The following PAN3 variants were observed in gnomAD, a reference collection of about 807,000 sequenced individuals.
PAN3 encodes the protein PAN2-PAN3 deadenylation complex subunit PAN3.
PAN3 carries 19 observed loss-of-function variants against 96.2 expected under a neutral mutation model. The ratio of observed to expected loss-of-function variants is 0.20; its 90% CI spans 0.14 to 0.29. The LOEUF is 0.29. PAN3 is among the 10% of genes least tolerant of loss of function. The pLI is 1.00. For missense variants in PAN3, 882 were observed against 1,108.1 expected (o/e 0.80, Z 2.90); for synonymous variants, 433 against 406.6 (o/e 1.06, Z -0.78).
chr13:28,187,200 G>T (rs1047029429), intron 4 of PAN3, among the ~76,000 whole-genome samples: 6 of 151,244 alleles, frequency 4.0e-5, no homozygotes, highest in African/African-American at 1.2e-4. Flanking sequence ...GGTGGTGCAC[G>T]CCTGTAGTCC....
intron 6 of PAN3, among the ~76,000 whole-genome samples, chr13:28,248,343 A>G (rs1393669436): frequency 6.6e-6 from 1 of 152,126 alleles, no homozygotes; most frequent in Non-Finnish European, 1.5e-5. Context: ...GTTTCTAAAT[A>G]TAATATCACG....
intron 9 of PAN3, among the ~76,000 whole-genome samples, chr13:28,263,953 C>T (rs1885946912): frequency 6.6e-6 from 1 of 152,116 alleles, no homozygotes; most frequent in African/African-American, 2.4e-5. Context: ...CAAACACCGC[C>T]CTATGTTTCT....
chr13:28,235,887 T>A (rs901833575), intron 6 of PAN3, among the ~76,000 whole-genome samples: 10 of 102,262 alleles, frequency 9.8e-5, no homozygotes, highest in African/African-American at 1.3e-4. Context: ...GATTTTTAAA[T>A]TTTTTTTTTT....
intron 15 of PAN3, among the ~76,000 whole-genome samples, chr13:28,280,072 C>A (rs536369629): frequency 1.8e-4 from 28 of 152,046 alleles, no homozygotes; most frequent in Non-Finnish European, 3.8e-4. Flanking sequence ...AAGTGTGAAC[C>A]ACTGCACCTG....
chr13:28,158,810 G>A (rs775463966), intron 1 of PAN3, among the ~76,000 whole-genome samples: 8 of 151,838 alleles, frequency 5.3e-5, no homozygotes, highest in East Asian at 3.9e-4. Flanking sequence ...CCCGGGAGGC[G>A]GAGCTCACAG....
chr13:28,239,302 TCCCTTCATA>T (rs1883427663), intron 6 of PAN3, among the ~76,000 whole-genome samples: 1 of 152,046 alleles, frequency 6.6e-6, no homozygotes, highest in African/African-American at 2.4e-5. Context: ...CCATTTATGT[TCCCTTCATA>T]TTTTTTCCCA....
In PAN3 at chr13:28,168,198, A is replaced by G. The variant is rs1305402488; in HGVS notation, c.431-6074A>G. ...TACCTTATTTGAAATACCTGGGGCAAGAAGTGTTTTGGATTTCAAATATTT... is the reference window on the plus strand; with the variant it reads ...TACCTTATTTGAAATACCTGGGGCAGGAAGTGTTTTGGATTTCAAATATTT... On this transcript the variant is annotated intron_variant, in intron 1 of 18. Coordinates refer to ENST00000380958, the MANE Select transcript of PAN3 (RefSeq NM_175854.8). Among the ~76,000 whole-genome samples the G allele has an allele frequency of 3.9e-5, 6 of 152,318 alleles. No homozygotes were observed. The East Asian group carries it at 1.2e-3, about 29-fold the overall frequency.
chr13:28,162,412 C>G (rs1872987521), intron 1 of PAN3, among the ~76,000 whole-genome samples: 1 of 152,094 alleles, frequency 6.6e-6, no homozygotes, highest in South Asian at 2.1e-4. Context: ...CAGCCGGGTG[C>G]CGTGGCTCAT....
chr13:28,150,888 G>A (rs1490086298), intron 1 of PAN3, among the ~76,000 whole-genome samples: 1 of 152,130 alleles, frequency 6.6e-6, no homozygotes, highest in African/African-American at 2.4e-5. Context: ...AATGGGTAAA[G>A]CAGACAGTAT....
At chr13:28,194,602 G>T (rs888231961) in intron 4 of PAN3, among the ~76,000 whole-genome samples, 4 of 150,950 alleles carry the variant, frequency 2.6e-5, no homozygotes, top group Non-Finnish European at 4.4e-5. Context: ...CAAGTAGCTG[G>T]GACTACAGAT....
chr13:28,239,650 G>A (rs1883459221), intron 6 of PAN3: 3 of 1,289,656 alleles, frequency 2.3e-6, no homozygotes, highest in Non-Finnish European at 3.0e-6. Context: ...TGACTGATTC[G>A]ACTAAAGGAT....
At chr13:28,155,689 C>T (rs73446909) in intron 1 of PAN3, among the ~76,000 whole-genome samples, 5,750 of 152,080 alleles carry the variant, frequency 0.038, 333 homozygotes, top group African/African-American at 0.13. Context: ...TAAATTATGA[C>T]ATAGTATGAT....
intron 4 of PAN3, among the ~76,000 whole-genome samples, chr13:28,184,237 T>A (rs992666445): frequency 5.9e-5 from 9 of 152,130 alleles, no homozygotes; most frequent in African/African-American, 2.2e-4. Flanking sequence ...TGATTTTCCG[T>A]ATTTGTTCCA....
At chr13:28,167,675 A>G (rs1873763224) in intron 1 of PAN3, among the ~76,000 whole-genome samples, 1 of 143,866 alleles carries the variant, frequency 7.0e-6, no homozygotes. Context: ...TGTCTCTACA[A>G]AAAAAAAAAA....
intron 6 of PAN3, among the ~76,000 whole-genome samples, chr13:28,236,513 G>A (rs1194257020): frequency 2.0e-5 from 3 of 152,028 alleles, no homozygotes; most frequent in African/African-American, 7.3e-5. Context: ...GAATGAGGAT[G>A]TAAAGGAAAA....
intron 4 of PAN3, among the ~76,000 whole-genome samples, chr13:28,187,133 C>G: frequency 6.6e-6 from 1 of 151,980 alleles, no homozygotes; most frequent in African/African-American, 2.4e-5. Context: ...TTGAGACCAG[C>G]CTGGGCAACA....
chr13:28,214,939 C>T, intron 5 of PAN3: 1 of 1,365,370 alleles, frequency 7.3e-7, no homozygotes, highest in Non-Finnish European at 1.0e-6. Flanking sequence ...CTGGCTTACA[C>T]ACTGGGTGTG....
intron 5 of PAN3, among the ~76,000 whole-genome samples, chr13:28,209,857 T>A (rs995917037): frequency 6.6e-6 from 1 of 152,166 alleles, no homozygotes; most frequent in Non-Finnish European, 1.5e-5. Context: ...CACAGCTCAC[T>A]GTAGCCTTGA....
At chr13:28,263,413 A>G (rs1052955350) in intron 9 of PAN3, among the ~76,000 whole-genome samples, 3 of 152,340 alleles carry the variant, frequency 2.0e-5, no homozygotes, top group South Asian at 4.1e-4. Context: ...GCTCACTGCA[A>G]CCTCCGCCTC....
Sources: gnomAD v4.1 joint callset for allele counts (sites outside exome capture counted in the v4.1 genomes callset) on GRCh38, gnomAD v4.1.1 for gene constraint, MANE v1.5 for transcripts, NCBI Gene and HGNC (gene_info 2026-07-23, HGNC 2026-07-21) for gene names.